Variants in APLP2 observed in about 807,000 individuals in gnomAD.
APLP2 encodes the protein CDEI box-binding protein.
In APLP2, 53 loss-of-function variants were observed where a neutral mutation model predicts 89.9. The ratio of observed to expected loss-of-function variants is 0.59; its 90% CI spans 0.47 to 0.74. APLP2 has a LOEUF of 0.74. Among genes scored for constraint, APLP2 ranks in the 30% least tolerant of loss-of-function variants. APLP2 has a pLI of 0.00. For missense variants in APLP2, 973 were observed against 975.9 expected, an observed-to-expected ratio of 1.00 and a Z score of 0.04; for synonymous variants, 372 against 348.6, an observed-to-expected ratio of 1.07 and a Z score of -0.75.
At chr11:130,094,047 A>ATT (rs138605738) in intron 1 of APLP2, among the ~76,000 whole-genome samples, 443 of 75,990 alleles carry the variant, frequency 5.8e-3, no homozygotes, top group Middle Eastern at 0.017. Context: ...TCCCGGCCGT[A>ATT]TTTTTTTTTT....
intron 11 of APLP2, 40 bp from the exon 12 acceptor site, chr11:130,133,589 T>C: frequency 6.6e-7 from 1 of 1,513,332 alleles, no homozygotes; most frequent in African/African-American, 1.4e-5. Flanking sequence ...GCCTAGTTGT[T>C]TTCAGTCACA....
chr11:130,141,134 C>T lies in APLP2; in HGVS notation c.1924-364C>T, dbSNP rs1271619927. On this transcript the variant is annotated intron_variant, in intron 14 of 16. Coordinates refer to ENST00000338167, the MANE Select transcript of APLP2 (RefSeq NM_001142276.2). This position sits in a 1 kb window ranked among gnomAD's most constrained non-coding sequence, Gnocchi z 4.2. The stretch of plus-strand genomic sequence containing the variant: ...TGTTAGCCAGGATGGTCTCGATCTC[C>T]TGACCTTGTGATCCACCTGCCTCGG... The T allele has an allele frequency of 1.6e-5, 3 of 183,140 alleles. No homozygotes were observed. The highest frequency in any genetic ancestry group is 1.2e-4 in the South Asian group (1 of 8,532). The allele number at this position is 183,140 out of a possible 1,614,324, so 11.3% of individuals were successfully genotyped here.
At chr11:130,091,596 AC>A (rs1291170143) in intron 1 of APLP2, among the ~76,000 whole-genome samples, 24 of 113,332 alleles carry the variant, frequency 2.1e-4, no homozygotes, top group Non-Finnish European at 3.4e-4. Flanking sequence ...GGGGGGGCTG[AC>A]CCCCCCATCT....
chr11:130,078,129 C>T (rs1337424129), intron 1 of APLP2, among the ~76,000 whole-genome samples: 1 of 151,606 alleles, frequency 6.6e-6, no homozygotes, highest in African/African-American at 2.4e-5. Flanking sequence ...ACCTCCCATG[C>T]ATTCGTCCCT....
At chr11:130,118,416 T>C (rs1362399157) in intron 3 of APLP2, among the ~76,000 whole-genome samples, 1 of 152,192 alleles carries the variant, frequency 6.6e-6, no homozygotes, top group Non-Finnish European at 1.5e-5. Flanking sequence ...CCCCACAAGA[T>C]AAAGAAACCG....
chr11:130,111,476 A>G (rs1027691776), intron 3 of APLP2, among the ~76,000 whole-genome samples: 1 of 152,160 alleles, frequency 6.6e-6, no homozygotes, highest in African/African-American at 2.4e-5. Context: ...GCTATATGTA[A>G]TTGGAACTAT....
intron 1 of APLP2, among the ~76,000 whole-genome samples, chr11:130,103,274 C>T (rs1015624390): frequency 4.8e-4 from 73 of 152,260 alleles, no homozygotes; most frequent in African/African-American, 1.7e-3. Context: ...AAACATGGTC[C>T]ACAGAGGCTT....
Position 130,122,393 on chromosome 11 carries a change from G to A in APLP2, c.802G>A (p.Val268Met), listed in dbSNP as rs774085148. 5.0e-6 allele frequency: 8 copies of A among 1,614,182 alleles called. No individual in the cohort carries two copies. Among genetic ancestry groups the A allele is most frequent in the Non-Finnish European group, 6.8e-6 (8 of 1,180,030 alleles). Residue 268 changes from valine (V) to methionine (M), a missense_variant, in exon 6 of 17, where the codon GTG (valine) becomes ATG (methionine). By Grantham distance (21) the Val-to-Met change is conservative. Coordinates refer to ENST00000338167, the MANE Select transcript of APLP2 (RefSeq NM_001142276.2). ...GGATGAGGAAGAAGGGGAGGAAGTG[G>A]TGGAGGACCGAGATTACTACTATGA... Reference protein sequence around the residue: ...DEDEEEGEEVVEDRDYYYDTF... With the variant: ...DEDEEEGEEVMEDRDYYYDTF...
At chr11:130,074,937 C>A (rs2135333677) in intron 1 of APLP2, among the ~76,000 whole-genome samples, 1 of 152,234 alleles carries the variant, frequency 6.6e-6, no homozygotes, top group South Asian at 2.1e-4. Context: ...GCCTATAATT[C>A]AATTTTCATG....
intron 1 of APLP2, among the ~76,000 whole-genome samples, chr11:130,107,757 G>A (rs1340454759): frequency 6.6e-6 from 1 of 152,200 alleles, no homozygotes; most frequent in Non-Finnish European, 1.5e-5. Flanking sequence ...GCGTTGCCAA[G>A]TCAATCCTAA....
chr11:130,140,025 T>A (rs1352444787), intron 13 of APLP2, among the ~76,000 whole-genome samples: 1 of 152,142 alleles, frequency 6.6e-6, no homozygotes, highest in African/African-American at 2.4e-5. Flanking sequence ...CAGCCGGGTG[T>A]GGGTAGTAGG....
At chr11:130,121,922 G>A (rs1949871290) in intron 5 of APLP2, 112 bp downstream of exon 5, 1 of 1,473,300 alleles carries the variant, frequency 6.8e-7, no homozygotes, top group Non-Finnish European at 9.1e-7. Context: ...GCATTCCTTT[G>A]TTCTGCTAGA....
intron 1 of APLP2, among the ~76,000 whole-genome samples, chr11:130,087,551 G>A (rs1565556357): frequency 6.6e-6 from 1 of 152,170 alleles, no homozygotes; most frequent in Non-Finnish European, 1.5e-5. Flanking sequence ...TGTCTGTGAT[G>A]TAGAGGCAGT....
At position 130,123,003 on chromosome 11, in the gene APLP2, T is replaced by C. The variant is rs1303949274; in HGVS notation, c.922+490T>C. On this transcript the variant is annotated intron_variant, in intron 6 of 16. Coordinates refer to ENST00000338167, the MANE Select transcript of APLP2 (RefSeq NM_001142276.2). The surrounding 1 kb of genome is among the most constrained non-coding windows in gnomAD (Gnocchi z 4.0). Reference sequence around the variant, plus strand: ...GATTGGGGCCTGCAGTTTTTTTTTTTTCTCATCTTGCCAATTAAAACACGA... The same window carrying C: ...GATTGGGGCCTGCAGTTTTTTTTTTCTCTCATCTTGCCAATTAAAACACGA... 1.3e-5 allele frequency among the ~76,000 whole-genome samples: 2 copies of C among 152,212 alleles called. No individual in the cohort carries two copies. Among genetic ancestry groups the C allele is most frequent in the Non-Finnish European group, 2.9e-5 (2 of 68,030 alleles).
At chr11:130,112,992 C>T (rs1434522847) in intron 3 of APLP2, among the ~76,000 whole-genome samples, 4 of 152,126 alleles carry the variant, frequency 2.6e-5, no homozygotes, top group Non-Finnish European at 5.9e-5. Context: ...TCAGGAGTTG[C>T]CTCCTTTAAA....
chr11:130,128,259 A>C (rs1950586309), intron 9 of APLP2, among the ~76,000 whole-genome samples: 1 of 152,256 alleles, frequency 6.6e-6, no homozygotes, highest in South Asian at 2.1e-4. Flanking sequence ...AAATCATAGC[A>C]GCAAACTGCA....
chr11:130,122,490 A>G lies in APLP2; in HGVS notation c.899A>G (p.Lys300Arg). Residue 300 changes from lysine (K) to arginine (R), a missense_variant, in exon 6 of 17, where the codon AAG (lysine) becomes AGG (arginine). Coordinates refer to ENST00000338167, the MANE Select transcript of APLP2 (RefSeq NM_001142276.2). Reference protein sequence around the residue: ...EPGSDGTMSDKEITHDVKAVC... With the variant: ...EPGSDGTMSDREITHDVKAVC... ...GGCAGCGACGGCACCATGTCAGACA[A>G]GGAAATTACTCATGATGTCAAAGGT... The G allele has an allele frequency of 1.2e-6, 2 of 1,614,072 alleles. No individual in the cohort carries two copies. Among genetic ancestry groups the G allele is most frequent in the Non-Finnish European group, 1.7e-6 (2 of 1,179,930 alleles).
At chr11:130,093,469 A>G (rs1945727304) in intron 1 of APLP2, among the ~76,000 whole-genome samples, 1 of 152,230 alleles carries the variant, frequency 6.6e-6, no homozygotes, top group Non-Finnish European at 1.5e-5. Context: ...GAAATTAGAA[A>G]TGTGGAAGCA....
chr11:130,140,286 G>T, intron 13 of APLP2, 112 bp from the exon 14 acceptor site: 1 of 673,788 alleles, frequency 1.5e-6, no homozygotes, highest in South Asian at 2.1e-5. Context: ...GTCGCGTGGG[G>T]AGGTGCGTGT....
Sources: gnomAD v4.1 joint callset for allele counts (sites outside exome capture counted in the v4.1 genomes callset) on GRCh38, gnomAD v4.1.1 for gene constraint, Gnocchi (gnomAD v3.1) non-coding constraint, MANE v1.5 for transcripts, NCBI Gene and HGNC (gene_info 2026-07-23, HGNC 2026-07-21) for gene names.